PGAP1: variants seen among roughly 807,000 people sequenced by gnomAD.
PGAP1 encodes the protein post-GPI attachment to proteins inositol deacylase 1.
A neutral mutation model predicts 127.0 loss-of-function variants in PGAP1; 76 were observed. That is an observed-to-expected ratio of 0.60 (90% CI 0.50 to 0.72). The LOEUF is 0.72. Ranked by LOEUF, PGAP1 falls within the 30% of genes least tolerant of loss-of-function variation. The probability of loss-of-function intolerance (pLI) is 0.00; values close to 1 mark genes in which losing one functional copy is unlikely to be tolerated. For missense variants in PGAP1, 982 were observed against 1,071.3 expected (o/e 0.92, Z 1.16); for synonymous variants, 362 against 366.5 (o/e 0.99, Z 0.14).
intron 19 of PGAP1, among the ~76,000 whole-genome samples, chr2:196,868,843 AT>A: frequency 6.6e-6 from 1 of 152,252 alleles, no homozygotes; most frequent in Non-Finnish European, 1.5e-5. Flanking sequence ...AATATGTATT[AT>A]TTTTTAAAAC....
chr2:196,912,879 C>T lies in PGAP1; in HGVS notation c.649+3G>A, dbSNP rs1334768353. On this transcript the variant is annotated splice_donor_region_variant and intron_variant, in intron 4 of 26. Transcript: ENST00000354764. Reference sequence around the variant, plus strand: ...AGGTTAATGTTCATGTAACAGTACTCACCTGTAATGAAACGATCTAATGGC... The same window carrying T: ...AGGTTAATGTTCATGTAACAGTACTTACCTGTAATGAAACGATCTAATGGC... 6.2e-7 allele frequency: 1 copy of T among 1,601,900 alleles called. No homozygotes were observed. The highest frequency in any genetic ancestry group is 8.5e-7 in the Non-Finnish European group (1 of 1,174,194).
At chr2:196,893,428 C>T (rs771582483) in intron 7 of PGAP1, among the ~76,000 whole-genome samples, 183 bp from the exon 8 acceptor site, 44 of 152,152 alleles carry the variant, frequency 2.9e-4, no homozygotes, top group Non-Finnish European at 5.7e-4. Flanking sequence ...ATTTCGCCTG[C>T]ATTTGAAATG....
intron 1 of PGAP1, chr2:196,922,543 T>C (rs1256321030): frequency 1.0e-6 from 1 of 967,586 alleles, no homozygotes; most frequent in African/African-American, 2.0e-5. Flanking sequence ...CCTTCTATAA[T>C]CCATAGTTCA....
chr2:196,865,073 C>T lies in PGAP1; in HGVS notation c.1775G>A (p.Arg592Lys). 6.5e-7 allele frequency: 1 copy of T among 1,547,578 alleles called. No individual in the cohort carries two copies. The highest frequency in any genetic ancestry group is 1.3e-5 in the South Asian group (1 of 78,154). The change falls in exon 20 of 27, where the codon AGA (arginine) becomes AAA (lysine). Residue 592 changes from arginine to lysine, a missense_variant. Physicochemically the swap from Arg to Lys is conservative, Grantham distance 26. Transcript: ENST00000354764. ...SFSQILGQVV[R>K]FHGGALPAYV... The stretch of plus-strand genomic sequence containing the variant: ...AGCAGGAAGAGCTCCACCATGAAAT[C>T]TAACTACCTAAAAAACAGGTAAGTC...
intron 20 of PGAP1, among the ~76,000 whole-genome samples, chr2:196,859,383 A>T (rs1700989210): frequency 6.6e-6 from 1 of 152,166 alleles, no homozygotes; most frequent in African/African-American, 2.4e-5. Flanking sequence ...AAAGTCTCCC[A>T]TCAAAAACAA....
At chr2:196,912,601 A>C (rs966441432) in intron 4 of PGAP1, among the ~76,000 whole-genome samples, 4 of 144,246 alleles carry the variant, frequency 2.8e-5, no homozygotes, top group Non-Finnish European at 6.1e-5. Flanking sequence ...AAAAAAAAAA[A>C]AAAAAACTAA....
At chr2:196,875,615 A>C in intron 14 of PGAP1, 131 bp downstream of exon 14, 1 of 621,570 alleles carries the variant, frequency 1.6e-6, no homozygotes, top group South Asian at 1.8e-5. Context: ...AAAACCACTG[A>C]ACCACATCAT....
intron 26 of PGAP1, 145 bp from the exon 27 acceptor site, chr2:196,841,517 A>G: frequency 3.0e-6 from 2 of 675,624 alleles, no homozygotes; most frequent in South Asian, 2.6e-5. Context: ...ACCTATTCAT[A>G]ATTTCTTTTT....
rs1393069730 is a variant in PGAP1 at position 196,840,654 on chromosome 2, A to C, written c.*580T>G. The stretch of plus-strand genomic sequence containing the variant: ...TACCAAGAAAACATATCTCCTTACC[A>C]TTCAAAGCTCTATTTTCATAGATGT... On this transcript the variant is annotated 3_prime_UTR_variant, in exon 27 of 27. Coordinates refer to ENST00000354764, the MANE Select transcript of PGAP1 (RefSeq NM_024989.4). 1 of 152,196 alleles carries C rather than the reference A, an allele frequency of 6.6e-6. No homozygotes were observed. The highest frequency in any genetic ancestry group is 1.9e-4 in the East Asian group (1 of 5,192). The allele number at this position is 152,196 out of a possible 1,614,324, so 9.4% of individuals were successfully genotyped here. A position where few individuals can be genotyped will look rare whatever the true frequency, so the allele number is the denominator to read the frequency against.
intron 13 of PGAP1, chr2:196,877,604 G>T (rs748251201): frequency 6.6e-6 from 1 of 152,130 alleles, no homozygotes; most frequent in Non-Finnish European, 1.5e-5. Flanking sequence ...AGAGGTTTTA[G>T]TATTGCAGAT....
Position 196,880,034 on chromosome 2 carries a change from G to A in PGAP1, c.1350+42C>T, listed in dbSNP as rs769457271. 2.1e-6 allele frequency: 3 copies of A among 1,396,330 alleles called. No homozygotes were observed. The Admixed American group carries it at 5.2e-5, about 24-fold the overall frequency. The allele number at this position is 1,396,330 out of a possible 1,614,324, so 86.5% of individuals were successfully genotyped here. ...AAAAGAACTGTAAAATTTAGCATGT[G>A]TCTCCAAAACATTCTAATAACAATC... On this transcript the variant is annotated intron_variant, in intron 13 of 26. Coordinates refer to ENST00000354764, the MANE Select transcript of PGAP1 (RefSeq NM_024989.4).
chr2:196,844,734 C>G (rs1259525474), intron 23 of PGAP1, among the ~76,000 whole-genome samples, 160 bp from the exon 24 acceptor site: 2 of 152,152 alleles, frequency 1.3e-5, no homozygotes, highest in Non-Finnish European at 1.5e-5. Context: ...AAAACAACAA[C>G]TACACATGCT....
chr2:196,837,678 C>T lies in PGAP1; in HGVS notation c.*3556G>A, dbSNP rs1013857150. 1 of 152,114 alleles carries T rather than the reference C, an allele frequency of 6.6e-6. No individual in the cohort carries two copies. Among genetic ancestry groups the T allele is most frequent in the African/African-American group, 2.4e-5 (1 of 41,428 alleles). The allele number at this position is 152,114 out of a possible 1,614,324, so 9.4% of individuals were successfully genotyped here. A position where few individuals can be genotyped will look rare whatever the true frequency, so the allele number is the denominator to read the frequency against. On this transcript the variant is annotated 3_prime_UTR_variant, in exon 27 of 27. Transcript: ENST00000354764. ...AATGAACAAAACAAATAATCCACCT[C>T]ATGTAAGTTTGTGTGAATTTTGGAA...
chr2:196,917,154 C>T (rs1019578217), intron 2 of PGAP1, among the ~76,000 whole-genome samples: 2 of 152,202 alleles, frequency 1.3e-5, no homozygotes, highest in African/African-American at 4.8e-5. Context: ...ACTACTCTAA[C>T]AGGTTCTTTA....
At chr2:196,903,575 A>AAAAAAAG (rs1702574804) in intron 4 of PGAP1, among the ~76,000 whole-genome samples, 1 of 150,676 alleles carries the variant, frequency 6.6e-6, no homozygotes, top group African/African-American at 2.5e-5. Context: ...AAAAAAAAAA[A>AAAAAAAG]AAAAAAGAAA....
intron 1 of PGAP1, chr2:196,922,589 CA>C: frequency 5.0e-6 from 4 of 793,662 alleles, no homozygotes; most frequent in South Asian, 1.1e-4. Flanking sequence ...CACACACACA[CA>C]CACACACACA....
At chr2:196,860,161 A>T (rs915560224) in intron 20 of PGAP1, among the ~76,000 whole-genome samples, 1 of 152,194 alleles carries the variant, frequency 6.6e-6, no homozygotes, top group Non-Finnish European at 1.5e-5. Flanking sequence ...TTTTGAACTC[A>T]GTAAAAGTTT....
rs1206648864 is a variant in PGAP1, at chr2:196,859,529, C to A, written c.1861+5458G>T. ...AACTCATTCTATGAGGCCAGCATAACCCTGACACCAAAACCATAAAATAAT... is the reference window on the plus strand; with the variant it reads ...AACTCATTCTATGAGGCCAGCATAAACCTGACACCAAAACCATAAAATAAT... On this transcript the variant is annotated intron_variant, in intron 20 of 26. Coordinates refer to ENST00000354764, the MANE Select transcript of PGAP1 (RefSeq NM_024989.4). Among the ~76,000 whole-genome samples the A allele has an allele frequency of 2.0e-5, 3 of 151,676 alleles. No homozygotes were observed. In the East Asian group the frequency reaches 5.8e-4, roughly 29 times the overall value.
chr2:196,914,693 A>G (rs111384417), intron 3 of PGAP1, among the ~76,000 whole-genome samples: 38 of 151,954 alleles, frequency 2.5e-4, no homozygotes, highest in African/African-American at 8.7e-4. Context: ...TGCTATTGCT[A>G]TCTCCAATTT....
Sources: allele counts gnomAD v4.1 joint callset (sites outside exome capture counted in the v4.1 genomes callset), GRCh38; gene constraint gnomAD v4.1.1; transcripts MANE v1.5; gene names NCBI Gene and HGNC (gene_info 2026-07-23, HGNC 2026-07-21).